OPA1: variants seen among roughly 807,000 people sequenced by gnomAD.
The protein encoded by OPA1 is dynamin-like GTPase OPA1, mitochondrial.
A neutral mutation model predicts 152.9 loss-of-function variants in OPA1; 59 were observed. The ratio of observed to expected loss-of-function variants is 0.39; its 90% CI spans 0.31 to 0.48. The LOEUF is 0.48. Among genes scored for constraint, OPA1 ranks in the 20% least tolerant of loss-of-function variants. The pLI, the probability that OPA1 is intolerant of heterozygous loss-of-function variation, is 0.96. For missense variants in OPA1, 1,008 were observed against 1,216.8 expected (o/e 0.83, Z 2.55); for synonymous variants, 400 against 389.9 (o/e 1.03, Z -0.31).
chr3:193,676,922 G>A (rs6809663), intron 29 of OPA1, among the ~76,000 whole-genome samples: 36,692 of 148,782 alleles, frequency 0.25, 5,208 homozygotes, highest in African/African-American at 0.38. Flanking sequence ...CGGAGCTTGC[G>A]GTGAGCCGAG....
In OPA1 at chr3:193,667,861, C is replaced by A. The variant is rs60732955; in HGVS notation, c.2983+581C>A. Among the ~76,000 whole-genome samples the A allele has an allele frequency of 7.4e-3, 1,124 of 152,172 alleles. 10 individuals carry two copies. Among genetic ancestry groups the A allele is most frequent in the African/African-American group, 0.022 (910 of 41,498 alleles). On this transcript the variant is annotated intron_variant, in intron 29 of 30. Coordinates refer to ENST00000361510, the MANE Select transcript of OPA1 (RefSeq NM_130837.3). ...TTCTCAGACCCCTTTCAAGTTTCAC[C>A]CGTTGTCCCAGTATTATCCCTCCAT... is the stretch of plus-strand genomic sequence containing the variant.
At chr3:193,616,685 T>G (rs145676147) in intron 3 of OPA1, among the ~76,000 whole-genome samples, 37 of 152,320 alleles carry the variant, frequency 2.4e-4, no homozygotes, top group Admixed American at 3.9e-4. Context: ...AAAAGTATAT[T>G]GGATCGCTAT....
Position 193,697,705 on chromosome 3 carries a change from C to T in OPA1, c.*3105C>T, listed in dbSNP as rs1722368519. On this transcript the variant is annotated 3_prime_UTR_variant, in exon 31 of 31. Coordinates refer to ENST00000361510, the MANE Select transcript of OPA1 (RefSeq NM_130837.3). ...TGAATTTCACATGCCTTGCATTTCACAGTTGTACTCCATGGTCAACCGGTG... is the reference window on the plus strand; with the variant it reads ...TGAATTTCACATGCCTTGCATTTCATAGTTGTACTCCATGGTCAACCGGTG... 2 of 152,338 alleles carry T rather than the reference C, an allele frequency of 1.3e-5. No homozygotes were observed. Among genetic ancestry groups the T allele is most frequent in the Non-Finnish European group, 2.9e-5 (2 of 68,030 alleles). 9.4% of individuals were successfully genotyped at this position (152,338 alleles called of 1,614,324 possible). A position where few individuals can be genotyped will look rare whatever the true frequency, so the allele number is the denominator to read the frequency against.
chr3:193,600,081 T>C (rs1726232708), intron 1 of OPA1, among the ~76,000 whole-genome samples: 1 of 152,232 alleles, frequency 6.6e-6, no homozygotes. Flanking sequence ...TCTGCCTATT[T>C]GAGCTAGGTT....
chr3:193,651,292 T>C (rs1225930230), intron 21 of OPA1, among the ~76,000 whole-genome samples: 6 of 152,194 alleles, frequency 3.9e-5, no homozygotes, highest in South Asian at 2.1e-4. Context: ...AGTTGGCTTT[T>C]GCAATAATTT....
chr3:193,691,943 G>C, intron 29 of OPA1, 120 bp from the exon 30 acceptor site: 2 of 642,952 alleles, frequency 3.1e-6, no homozygotes, highest in Non-Finnish European at 5.6e-6. Flanking sequence ...GGTATGGTGA[G>C]ACTCATATTT....
At position 193,609,546 on chromosome 3, in the gene OPA1, G is replaced by A. The variant is rs188279602; in HGVS notation, c.33-5177G>A. On this transcript the variant is annotated intron_variant, in intron 1 of 30. Coordinates refer to ENST00000361510, the MANE Select transcript of OPA1 (RefSeq NM_130837.3). Reference sequence around the variant, plus strand: ...GTTGCTCTTTTCGAGGAGTATCTTTGTGGCATTCTCTGTGTTTCCTGAATT... The same window carrying A: ...GTTGCTCTTTTCGAGGAGTATCTTTATGGCATTCTCTGTGTTTCCTGAATT... Among the ~76,000 whole-genome samples the A allele has an allele frequency of 2.0e-5, 3 of 152,248 alleles. No individual in the cohort carries two copies. In the East Asian group the frequency reaches 5.8e-4, roughly 29 times the overall value.
chr3:193,635,490 G>T lies in OPA1; in HGVS notation c.916G>T (p.Asp306Tyr), dbSNP rs1242284456. ...ATTGAGAAAATTAGTATTGCAGAAAGATGACAAAGGCATTCATCATAGAAA... is the reference window on the plus strand; with the variant it reads ...ATTGAGAAAATTAGTATTGCAGAAATATGACAAAGGCATTCATCATAGAAA... ...KELRKLVLQK[D>Y]DKGIHHRKLK... Residue 306 changes from aspartate to tyrosine, a missense_variant, in exon 9 of 31, where the codon GAT (aspartate) becomes TAT (tyrosine). Asp to Tyr is a radical substitution (Grantham distance 160). Transcript: ENST00000361510. The T allele has an allele frequency of 1.9e-6, 3 of 1,607,118 alleles. No individual in the cohort carries two copies. Among genetic ancestry groups the T allele is most frequent in the African/African-American group, 1.3e-5 (1 of 74,822 alleles).
At chr3:193,623,066 T>C (rs1159168976) in intron 6 of OPA1, among the ~76,000 whole-genome samples, 2 of 152,188 alleles carry the variant, frequency 1.3e-5, no homozygotes, top group Admixed American at 6.5e-5. Context: ...ACAAATAATG[T>C]AGTAACTGGA....
At chr3:193,652,563 A>G (rs192528584) in intron 21 of OPA1, among the ~76,000 whole-genome samples, 1 of 152,244 alleles carries the variant, frequency 6.6e-6, no homozygotes, top group African/African-American at 2.4e-5. Flanking sequence ...GGAGGACTTA[A>G]CTTCTACTTT....
chr3:193,682,066 A>G (rs1720231883), intron 29 of OPA1, among the ~76,000 whole-genome samples: 1 of 152,256 alleles, frequency 6.6e-6, no homozygotes, highest in Non-Finnish European at 1.5e-5. Context: ...CAAATTGTGA[A>G]TGCAAAAGAA....
chr3:193,632,745 C>T (rs896816200), intron 8 of OPA1, among the ~76,000 whole-genome samples: 1 of 152,028 alleles, frequency 6.6e-6, no homozygotes, highest in East Asian at 1.9e-4. Flanking sequence ...GGTGGTTGTG[C>T]CTGTAGTCCC....
chr3:193,597,664 C>G (rs1406919850), intron 1 of OPA1, among the ~76,000 whole-genome samples: 1 of 144,324 alleles, frequency 6.9e-6, no homozygotes, highest in Non-Finnish European at 1.5e-5. Context: ...GCACTCCAAC[C>G]TGGGTGACAG....
chr3:193,600,818 C>T (rs1287912672), intron 1 of OPA1, among the ~76,000 whole-genome samples: 2 of 152,186 alleles, frequency 1.3e-5, no homozygotes, highest in East Asian at 3.9e-4. Context: ...TGCCTGCAAA[C>T]CAACTGTTAG....
intron 22 of OPA1, among the ~76,000 whole-genome samples, chr3:193,656,536 C>T (rs1484777334): frequency 1.3e-5 from 2 of 152,162 alleles, no homozygotes; most frequent in Admixed American, 6.5e-5. Context: ...TGCATTGCTT[C>T]ATATCTTTGC....
Position 193,655,250 on chromosome 3 carries a change from A to G in OPA1, c.2178+223A>G, listed in dbSNP as rs554041869. ...ATTGGTATGATGTTGGCCTGAGGGTATTGGTACTTCTTCCAAAGACAATAT... is the reference window on the plus strand; with the variant it reads ...ATTGGTATGATGTTGGCCTGAGGGTGTTGGTACTTCTTCCAAAGACAATAT... On this transcript the variant is annotated intron_variant, in intron 22 of 30. Transcript: ENST00000361510. Among the ~76,000 whole-genome samples the G allele has an allele frequency of 8.5e-5, 13 of 152,300 alleles. No homozygotes were observed. The East Asian group carries it at 2.5e-3, about 29-fold the overall frequency.
chr3:193,626,260 A>G, intron 7 of OPA1, 58 bp downstream of exon 7: 3 of 1,216,418 alleles, frequency 2.5e-6, no homozygotes, highest in Non-Finnish European at 3.7e-6. Context: ...CATTTCTGCC[A>G]AGATCATGTC....
chr3:193,674,567 T>C (rs866259159), intron 29 of OPA1, among the ~76,000 whole-genome samples: 1 of 152,230 alleles, frequency 6.6e-6, no homozygotes, highest in South Asian at 2.1e-4. Context: ...TTCTAATTTA[T>C]AGGATAGTTA....
chr3:193,676,927 G>C (rs1019063677), intron 29 of OPA1, among the ~76,000 whole-genome samples: 5 of 144,822 alleles, frequency 3.5e-5, no homozygotes, highest in Non-Finnish European at 5.9e-5. Context: ...CTTGCGGTGA[G>C]CCGAGATCGC....
Sources: allele counts gnomAD v4.1 joint callset (sites outside exome capture counted in the v4.1 genomes callset), GRCh38; gene constraint gnomAD v4.1.1; transcripts MANE v1.5; gene names NCBI Gene and HGNC (gene_info 2026-07-23, HGNC 2026-07-21).